The following ARHGEF4 variants were observed in gnomAD, a reference collection of about 807,000 sequenced individuals.
ARHGEF4 encodes the protein Rho guanine nucleotide exchange factor 4.
A neutral mutation model predicts 162.0 loss-of-function variants in ARHGEF4; 119 were observed. That is an observed-to-expected ratio of 0.73 (90% confidence interval 0.63 to 0.86). ARHGEF4 has a LOEUF of 0.86. Ranked by LOEUF, ARHGEF4 falls within the 40% of genes least tolerant of loss-of-function variation. ARHGEF4 has a pLI of 0.00. For synonymous variants in ARHGEF4, 1,014 were observed against 979.9 expected, an observed-to-expected ratio of 1.03 and a Z score of -0.65; for missense variants, 2,488 against 2,456.0, an observed-to-expected ratio of 1.01 and a Z score of -0.28.
chr2:131,041,455 C>T lies in ARHGEF4; in HGVS notation c.4888C>T (p.Gln1630Ter). 6.2e-7 allele frequency: 1 copy of T among 1,612,046 alleles called. No homozygotes were observed. Among genetic ancestry groups the T allele is most frequent in the East Asian group, 2.2e-5 (1 of 44,878 alleles). The change falls in exon 9 of 14, where the codon CAG becomes TAG. Residue 1630 changes from glutamine to a stop codon, truncating the protein, a stop_gained. Transcript: ENST00000409359. LOFTEE classifies it high-confidence loss of function. ...LAELLKYTHP[Q>*]HRDFKDVEAA... Reference sequence around the variant, plus strand: ...CGAGCTGCTCAAATACACGCACCCCCAGCACAGGTAGGAGGGCACTGAGGC... The same window carrying T: ...CGAGCTGCTCAAATACACGCACCCCTAGCACAGGTAGGAGGGCACTGAGGC...
chr2:131,028,945 G>T (rs7560718), intron 5 of ARHGEF4, among the ~76,000 whole-genome samples: 127,777 of 152,160 alleles, frequency 0.84, 56,296 homozygotes, highest in Non-Finnish European at 0.97. Flanking sequence ...GTGAATGAAT[G>T]AGTTGGGGGG....
At chr2:130,877,255 T>TA (rs970312714) in intron 1 of ARHGEF4, among the ~76,000 whole-genome samples, 42 of 152,144 alleles carry the variant, frequency 2.8e-4, no homozygotes, top group South Asian at 1.5e-3. Flanking sequence ...TGTGCTTTTT[T>TA]AAAAAAAATC....
In ARHGEF4 at chr2:131,041,769, C is replaced by G. The variant is rs371455929; in HGVS notation, c.4896-46C>G. 2.6e-5 allele frequency: 42 copies of G among 1,598,286 alleles called. No individual in the cohort carries two copies. In the Admixed American group the frequency reaches 3.2e-4, roughly 12 times the overall value. ...GGGCTGCAGGGGATCCTCACCCTTT[C>G]TCTGTCTCCAGCCTGCAGCAGCCTT... On this transcript the variant is annotated intron_variant, in intron 9 of 13. Coordinates refer to ENST00000409359, the MANE Select transcript of ARHGEF4 (RefSeq NM_001367493.1).
rs997321324 is a variant in ARHGEF4, at chr2:130,915,203, T to C, written c.1257T>C (p.Pro419=). The part of the protein sequence containing the change: ...FRLQRASQDT[P]SAGLLGENQL... ...TGCAAAGGGCCTCTCAGGACACTCCTTCTGCAGGTCTCCTGGGGGAAAACC... is the reference window on the plus strand; with the variant it reads ...TGCAAAGGGCCTCTCAGGACACTCCCTCTGCAGGTCTCCTGGGGGAAAACC... The change falls in exon 2 of 14, where the codon CCT becomes CCC. Residue 419 remains proline, a synonymous_variant. Coordinates refer to ENST00000409359, the MANE Select transcript of ARHGEF4 (RefSeq NM_001367493.1). 3.2e-6 allele frequency: 5 copies of C among 1,550,484 alleles called. No individual in the cohort carries two copies. The African/African-American group carries it at 6.8e-5, about 21-fold the overall frequency.
At chr2:130,966,021 A>G (rs890427270) in intron 4 of ARHGEF4, among the ~76,000 whole-genome samples, 2 of 152,104 alleles carry the variant, frequency 1.3e-5, no homozygotes, top group African/African-American at 4.8e-5. Context: ...CCCAGAAACG[A>G]ATGTTGTGCC....
intron 4 of ARHGEF4, among the ~76,000 whole-genome samples, chr2:131,012,103 G>A (rs1450390613): frequency 6.6e-6 from 1 of 151,782 alleles, no homozygotes; most frequent in African/African-American, 2.4e-5. Context: ...AGATCAGGAC[G>A]CCTGTGGCTG....
chr2:131,038,735 C>T (rs1690505674), intron 5 of ARHGEF4, 118 bp from the exon 6 acceptor site: 2 of 1,168,040 alleles, frequency 1.7e-6, no homozygotes, highest in South Asian at 3.2e-5. Flanking sequence ...CTTGTCAGCT[C>T]CTCTGTAAAG....
At chr2:130,956,589 G>A (rs906403696) in intron 4 of ARHGEF4, among the ~76,000 whole-genome samples, 4 of 150,600 alleles carry the variant, frequency 2.7e-5, no homozygotes, top group Non-Finnish European at 5.9e-5. Context: ...AACAATGATA[G>A]ACTGGATTAA....
chr2:130,934,328 G>A (rs1349920834), intron 3 of ARHGEF4, among the ~76,000 whole-genome samples: 3 of 152,160 alleles, frequency 2.0e-5, no homozygotes, highest in Non-Finnish European at 4.4e-5. Flanking sequence ...GAGTTAGGAA[G>A]TGCTCTCTCC....
At chr2:131,044,974 C>T (rs1305647177) in intron 12 of ARHGEF4, among the ~76,000 whole-genome samples, 5 of 152,148 alleles carry the variant, frequency 3.3e-5, no homozygotes, top group South Asian at 2.1e-4. Context: ...GCCCCATGCA[C>T]GCAGACATCT....
chr2:130,839,633 C>T (rs575762141), intron 1 of ARHGEF4, among the ~76,000 whole-genome samples: 24 of 152,262 alleles, frequency 1.6e-4, no homozygotes, highest in African/African-American at 4.8e-4. Context: ...CACACAGGTG[C>T]GCCGCCTTGG....
At chr2:130,871,514 C>T (rs956343047) in intron 1 of ARHGEF4, among the ~76,000 whole-genome samples, 11 of 151,130 alleles carry the variant, frequency 7.3e-5, no homozygotes, top group South Asian at 2.1e-4. Flanking sequence ...CCAGCCTGGG[C>T]GGCAAGAGCA....
intron 1 of ARHGEF4, among the ~76,000 whole-genome samples, chr2:130,852,161 G>A (rs1681458737): frequency 6.6e-6 from 1 of 152,246 alleles, no homozygotes; most frequent in Admixed American, 6.5e-5. Flanking sequence ...GGCTGGGGAT[G>A]CAGAGGCTCA....
At chr2:130,926,810 ATTTTTTT>A (rs55904944) in intron 2 of ARHGEF4, among the ~76,000 whole-genome samples, 14 of 48,954 alleles carry the variant, frequency 2.9e-4, no homozygotes, top group Non-Finnish European at 3.6e-4. Context: ...CTTCTGGCTG[ATTTTTTT>A]TTTTTTTTTT....
In ARHGEF4 at chr2:130,915,909, C is replaced by T; in HGVS notation, c.1963C>T (p.Leu655=). 1.3e-6 allele frequency: 2 copies of T among 1,550,474 alleles called. No individual in the cohort carries two copies. The highest frequency in any genetic ancestry group is 1.7e-6 in the Non-Finnish European group (2 of 1,146,950). ...CAATGCGGGGCCTGTTCCAGAAACA[C>T]TGCCCCGTGACTTTCCTAAGGAAAG... ...RSNAGPVPET[L]PRDFPKERPE... Residue 655 remains leucine, a synonymous_variant, in exon 2 of 14, where the codon CTG becomes TTG. Coordinates refer to ENST00000409359, the MANE Select transcript of ARHGEF4 (RefSeq NM_001367493.1).
At chr2:130,978,764 A>C (rs79663873) in intron 4 of ARHGEF4, among the ~76,000 whole-genome samples, 2,368 of 152,206 alleles carry the variant, frequency 0.016, 66 homozygotes, top group African/African-American at 0.054. Flanking sequence ...AAAAAAAAAA[A>C]TTCTCCAGAC....
chr2:130,915,251 A>G lies in ARHGEF4; in HGVS notation c.1305A>G (p.Ser435=), dbSNP rs749340473. Residue 435 remains serine, a synonymous_variant, in exon 2 of 14, where the codon TCA becomes TCG. Transcript: ENST00000409359. ...GENQLRQDSR[S]CLVASCLTSE... is the part of the protein sequence containing the mutation. ...ACCAGTTAAGACAGGATTCCAGGTCATGTCTGGTGGCTTCATGCCTCACCT... is the reference window on the plus strand; with the variant it reads ...ACCAGTTAAGACAGGATTCCAGGTCGTGTCTGGTGGCTTCATGCCTCACCT... 102 of 1,550,624 alleles carry G rather than the reference A, an allele frequency of 6.6e-5. No homozygotes were observed. The Middle Eastern group carries it at 1.3e-3, about 20-fold the overall frequency.
In ARHGEF4 at chr2:130,998,271, A is replaced by G. The variant is rs76661848; in HGVS notation, c.3986-29674A>G. Among the ~76,000 whole-genome samples, 901 of 152,298 alleles carry G rather than the reference A, an allele frequency of 5.9e-3. 11 individuals carry two copies. Among genetic ancestry groups the G allele is most frequent in the African/African-American group, 0.021 (857 of 41,552 alleles). ...GCAGTTTTAGGTTTATAGAAAAATG[A>G]AGCAGAGAGTACAGAGTGTTCCTAT... On this transcript the variant is annotated intron_variant, in intron 4 of 13. Coordinates refer to ENST00000409359, the MANE Select transcript of ARHGEF4 (RefSeq NM_001367493.1).
chr2:130,988,891 T>TAGAGAGAG (rs1480358392), intron 4 of ARHGEF4, among the ~76,000 whole-genome samples: 16 of 116,260 alleles, frequency 1.4e-4, no homozygotes, highest in South Asian at 7.2e-4. Context: ...TATATATATA[T>TAGAGAGAG]ATATATATAT....
Sources: allele counts gnomAD v4.1 joint callset (sites outside exome capture counted in the v4.1 genomes callset), GRCh38; gene constraint gnomAD v4.1.1; transcripts MANE v1.5; gene names NCBI Gene and HGNC (gene_info 2026-07-23, HGNC 2026-07-21).